ZMYND8: variants seen among roughly 807,000 people sequenced by gnomAD.
ZMYND8 encodes MYND-type zinc finger-containing chromatin reader ZMYND8.
ZMYND8 carries 37 observed loss-of-function variants against 140.8 expected under a neutral mutation model. That is an observed-to-expected ratio of 0.26 (90% CI 0.20 to 0.35). The LOEUF (loss-of-function observed/expected upper bound fraction) is 0.35, where lower values mean the gene tolerates loss of function less well. Ranked by LOEUF, ZMYND8 falls within the 10% of genes least tolerant of loss-of-function variation. ZMYND8 has a pLI of 1.00. For missense variants in ZMYND8, 1,068 were observed against 1,570.0 expected, an observed-to-expected ratio of 0.68 and a Z score of 5.40; for synonymous variants, 592 against 597.1, an observed-to-expected ratio of 0.99 and a Z score of 0.12.
chr20:47,338,328 T>G (rs2081550459), intron 2 of ZMYND8, among the ~76,000 whole-genome samples: 1 of 151,868 alleles, frequency 6.6e-6, no homozygotes, highest in Non-Finnish European at 1.5e-5. Flanking sequence ...ACAGACCACC[T>G]GCAGTCCATC....
chr20:47,334,087 T>C (rs1209982173), intron 2 of ZMYND8, among the ~76,000 whole-genome samples: 1 of 152,162 alleles, frequency 6.6e-6, no homozygotes, highest in African/African-American at 2.4e-5. Context: ...GCGAAGCCTA[T>C]TGTATAATAG....
intron 10 of ZMYND8, among the ~76,000 whole-genome samples, chr20:47,279,089 C>T (rs1157956199): frequency 1.3e-5 from 2 of 152,090 alleles, no homozygotes; most frequent in African/African-American, 2.4e-5. Flanking sequence ...CACTTCTGTC[C>T]GGTATCTAAG....
Position 47,223,872 on chromosome 20 carries a change from G to A in ZMYND8, c.3256+445C>T, listed in dbSNP as rs902934224. The stretch of plus-strand genomic sequence containing the variant: ...AAATTCTAACTAGATAGTGCTTCCT[G>A]CTGGAAGCTCTAGGCCTGGGGACTG... On this transcript the variant is annotated intron_variant, in intron 19 of 22. Coordinates refer to ENST00000471951, the MANE Select transcript of ZMYND8 (RefSeq NM_001281775.3). Among the ~76,000 whole-genome samples, 54 of 151,764 alleles carry A rather than the reference G, an allele frequency of 3.6e-4. 1 individual carries two copies. Among genetic ancestry groups the A allele is most frequent in the Non-Finnish European group, 7.4e-5 (5 of 67,992 alleles).
chr20:47,228,798 G>A (rs1289566599), intron 17 of ZMYND8, among the ~76,000 whole-genome samples: 4 of 152,060 alleles, frequency 2.6e-5, no homozygotes, highest in Non-Finnish European at 4.4e-5. Flanking sequence ...GCTCCCCAAC[G>A]TCACCTTAAA....
intron 1 of ZMYND8, among the ~76,000 whole-genome samples, chr20:47,355,027 A>AC (rs2083104982): frequency 6.6e-6 from 1 of 151,134 alleles, no homozygotes; most frequent in South Asian, 2.1e-4. Context: ...CACTGACACC[A>AC]CCCCCCCAAC....
chr20:47,318,827 G>A, intron 2 of ZMYND8: 3 of 671,798 alleles, frequency 4.5e-6, no homozygotes, highest in Middle Eastern at 2.9e-4. Context: ...GGGCTGGAAT[G>A]GAAATGAGGC....
intron 12 of ZMYND8, among the ~76,000 whole-genome samples, chr20:47,255,938 T>C (rs984762701): frequency 6.7e-6 from 1 of 150,298 alleles, no homozygotes; most frequent in African/African-American, 2.4e-5. Flanking sequence ...CCGGGCATGG[T>C]GGCGTATGCC....
chr20:47,258,808 T>G (rs1413295979), intron 12 of ZMYND8, among the ~76,000 whole-genome samples: 3 of 152,136 alleles, frequency 2.0e-5, no homozygotes, highest in Non-Finnish European at 4.4e-5. Flanking sequence ...CTGCTTGTTC[T>G]GATCTCCTCC....
Position 47,311,542 on chromosome 20 carries a change from C to T in ZMYND8, c.86-1338G>A, listed in dbSNP as rs115730067. On this transcript the variant is annotated intron_variant, in intron 2 of 22. Transcript: ENST00000471951. ...GGGTACAGCCCACAGTGCTGCAATG[C>T]AGTCATCTTGCCTTTGCTCCTTTTC... is the stretch of plus-strand genomic sequence containing the variant. 5.7e-3 allele frequency among the ~76,000 whole-genome samples: 864 copies of T among 152,308 alleles called. 6 individuals carry two copies. The highest frequency in any genetic ancestry group is 0.02 in the African/African-American group (832 of 41,558).
intron 12 of ZMYND8, among the ~76,000 whole-genome samples, chr20:47,255,866 G>T (rs1270268201): frequency 1.4e-5 from 2 of 146,818 alleles, no homozygotes; most frequent in African/African-American, 2.5e-5. Context: ...CTGAGGTCAG[G>T]AGTTCGAGAC....
rs760025335 is a variant in ZMYND8 at position 47,212,702 on chromosome 20, G to A, written c.3508C>T (p.Pro1170Ser). The stretch of plus-strand genomic sequence containing the variant: ...TCTGTGGTGGTTGGGGCATAGGCAG[G>A]TTGCTTGTCACACCTTTTGCTAACT... ...GSVSKRCDKQ[P>S]AYAPTTTDHQ... Residue 1170 changes from proline to serine, a missense_variant, in exon 22 of 23, where the codon CCT becomes TCT. Transcript: ENST00000471951. 6.2e-7 allele frequency: 1 copy of A among 1,613,016 alleles called. No individual in the cohort carries two copies.
At chr20:47,240,553 GTTTA>G (rs959391295) in intron 14 of ZMYND8, among the ~76,000 whole-genome samples, 8 of 151,598 alleles carry the variant, frequency 5.3e-5, no homozygotes, top group Middle Eastern at 3.4e-3. Flanking sequence ...AATAAAATGA[GTTTA>G]TTTTATTTAT....
At chr20:47,222,082 TTTAG>T (rs1279971876) in intron 19 of ZMYND8, among the ~76,000 whole-genome samples, 2 of 142,584 alleles carry the variant, frequency 1.4e-5, no homozygotes, top group African/African-American at 2.9e-5. Flanking sequence ...TAACTGCTGA[TTTAG>T]TTACTCTATT....
In ZMYND8 at chr20:47,239,025, T is replaced by C. The variant is rs769614808; in HGVS notation, c.2398A>G (p.Ser800Gly). Residue 800 changes from serine to glycine, a missense_variant, in exon 15 of 23, where the codon AGC becomes GGC. Transcript: ENST00000471951. The stretch of plus-strand genomic sequence containing the variant: ...GTGACGGTGACCGTGGAGGACGTGC[T>C]GGTGGTGGCTGTGGCGCCAGCCGCG... ...TSAAGATATT[S>G]TSSTVTVTAP... 1.9e-6 allele frequency: 3 copies of C among 1,593,300 alleles called. No individual in the cohort carries two copies. The highest frequency in any genetic ancestry group is 2.7e-5 in the African/African-American group (2 of 74,368).
chr20:47,308,365 T>A (rs1358807732), intron 3 of ZMYND8, among the ~76,000 whole-genome samples: 1 of 151,656 alleles, frequency 6.6e-6, no homozygotes, highest in Non-Finnish European at 1.5e-5. Context: ...ATTACAGGCA[T>A]GTGCCACCAC....
intron 4 of ZMYND8, among the ~76,000 whole-genome samples, chr20:47,297,564 G>A (rs985243672): frequency 6.6e-6 from 1 of 152,066 alleles, no homozygotes; most frequent in Non-Finnish European, 1.5e-5. Flanking sequence ...TGGGACTACA[G>A]GCACATACCA....
chr20:47,218,249 C>A (rs914066592), intron 21 of ZMYND8, among the ~76,000 whole-genome samples: 1 of 152,176 alleles, frequency 6.6e-6, no homozygotes, highest in African/African-American at 2.4e-5. Context: ...CAGACTCCTG[C>A]CAGATTCATC....
chr20:47,356,246 TG>T, intron 1 of ZMYND8: 2 of 810,590 alleles, frequency 2.5e-6, no homozygotes, highest in Non-Finnish European at 1.6e-6. Context: ...GCAGGGCATG[TG>T]GCAAAAGAGA....
intron 7 of ZMYND8, among the ~76,000 whole-genome samples, chr20:47,288,396 T>TC (rs2077052541): frequency 6.7e-6 from 1 of 149,362 alleles, no homozygotes; most frequent in African/African-American, 2.5e-5. Flanking sequence ...CCAATTCTTT[T>TC]TTTTTTTTTT....
Sources: gnomAD v4.1 joint callset for allele counts (sites outside exome capture counted in the v4.1 genomes callset) on GRCh38, gnomAD v4.1.1 for gene constraint, MANE v1.5 for transcripts, NCBI Gene and HGNC (gene_info 2026-07-23, HGNC 2026-07-21) for gene names.